Variants in ATP8B4 observed in about 807,000 individuals in gnomAD.
ATP8B4 encodes the protein ATPase phospholipid transporting 8B4 (putative), also known as probable phospholipid-transporting ATPase IM.
ATP8B4 carries 133 observed loss-of-function variants against 145.6 expected under a neutral mutation model. The observed-to-expected ratio is 0.91, with a 90% confidence interval of 0.79 to 1.05. The LOEUF is 1.05. Among genes scored for constraint, ATP8B4 ranks in the 50% least tolerant of loss-of-function variants. The pLI, the probability that ATP8B4 is intolerant of heterozygous loss-of-function variation, is 0.00. For synonymous variants in ATP8B4, 507 were observed against 492.9 expected (o/e 1.03, Z -0.38); for missense variants, 1,458 against 1,425.2 (o/e 1.02, Z -0.37).
chr15:50,040,056 T>C (rs955299451), intron 5 of ATP8B4, among the ~76,000 whole-genome samples: 1 of 152,200 alleles, frequency 6.6e-6, no homozygotes, highest in Non-Finnish European at 1.5e-5. Context: ...GTGCACAATT[T>C]GGAAGGGTTG....
At chr15:50,011,096 T>C (rs943408721) in intron 6 of ATP8B4, among the ~76,000 whole-genome samples, 179 bp from the exon 7 acceptor site, 1 of 152,152 alleles carries the variant, frequency 6.6e-6, no homozygotes, top group Admixed American at 6.6e-5. Context: ...GTTAAGTGAT[T>C]GGTCAAAGAT....
chr15:50,036,240 G>A (rs1599953061), intron 6 of ATP8B4, among the ~76,000 whole-genome samples: 2 of 152,266 alleles, frequency 1.3e-5, no homozygotes, highest in East Asian at 3.9e-4. Flanking sequence ...AAGAAGCCAA[G>A]CAAGAGCGTG....
intron 5 of ATP8B4, among the ~76,000 whole-genome samples, chr15:50,040,101 A>G (rs1267758840): frequency 6.6e-6 from 1 of 152,238 alleles, no homozygotes; most frequent in Non-Finnish European, 1.5e-5. Context: ...TCTACACAGC[A>G]TTCGTCTCCA....
At chr15:49,927,330 G>C (rs370433196) in intron 16 of ATP8B4, among the ~76,000 whole-genome samples, 11 of 152,182 alleles carry the variant, frequency 7.2e-5, no homozygotes, top group African/African-American at 2.6e-4. Flanking sequence ...GAGGGAGGAG[G>C]AGAAAGGGGA....
chr15:49,942,041 TGAGGAGGGTGG>T lies in ATP8B4; in HGVS notation c.1288-7870_1288-7860del, dbSNP rs573680109. On this transcript the variant is annotated intron_variant, in intron 14 of 27. Coordinates refer to ENST00000284509, the MANE Select transcript of ATP8B4 (RefSeq NM_024837.4). ...GTAACAGACATTGCAGATTCAGAAG[TGAGGAGGGTGG>T]GAAGAGGGTAAGCGATAAAAATCTA... Among the ~76,000 whole-genome samples the T allele has an allele frequency of 3.8e-3, 576 of 151,884 alleles. 1 individual carries two copies. Among genetic ancestry groups the T allele is most frequent in the Non-Finnish European group, 5.8e-3 (392 of 67,948 alleles).
At chr15:49,912,664 G>C (rs2039349402) in intron 20 of ATP8B4, among the ~76,000 whole-genome samples, 1 of 152,112 alleles carries the variant, frequency 6.6e-6, no homozygotes, top group South Asian at 2.1e-4. Context: ...TCCCTAACTT[G>C]TTCTACAAGG....
Position 49,897,294 on chromosome 15 carries a change from G to T in ATP8B4, c.2695C>A (p.Gln899Lys), listed in dbSNP as rs2037503607. Residue 899 changes from glutamine (Q) to lysine (K), a missense_variant and splice_region_variant, in exon 23 of 28, where the codon CAG becomes AAG. By Grantham distance (53) the Gln-to-Lys change is moderately conservative (BLOSUM62 1). Transcript: ENST00000284509. ...WFGFFCGFSA[Q>K]TVYDQWFITL... ...AAAAAAAACATGCTTTTACCAACCT[G>T]GGCTGAGAAACCACAGAAGAAACCA... 1 of 1,603,830 alleles carries T rather than the reference G, an allele frequency of 6.2e-7. No homozygotes were observed. Among genetic ancestry groups the T allele is most frequent in the Non-Finnish European group, 8.5e-7 (1 of 1,174,120 alleles).
In ATP8B4 at chr15:50,049,256, A is replaced by G. The variant is rs576997698; in HGVS notation, c.88-1792T>C. Among the ~76,000 whole-genome samples the G allele has an allele frequency of 2.6e-5, 4 of 152,302 alleles. No individual in the cohort carries two copies. In the South Asian group the frequency reaches 8.3e-4, roughly 32 times the overall value. ...GGGACATCCACTCTCCCTAGTAACA[A>G]GCATAGTATCCAATAGGTAGTTTTT... On this transcript the variant is annotated intron_variant, in intron 3 of 27. Coordinates refer to ENST00000284509, the MANE Select transcript of ATP8B4 (RefSeq NM_024837.4).
rs147088291 is a variant in ATP8B4, at chr15:49,914,432, C to T, written c.2141+2502G>A. On this transcript the variant is annotated intron_variant, in intron 20 of 27. Transcript: ENST00000284509. ...CACTGGTCTCTAGGCAATGATTTTA[C>T]GGCTAAGACCTCAAAAGCACAGGCA... 6.2e-3 allele frequency among the ~76,000 whole-genome samples: 948 copies of T among 152,132 alleles called. 5 individuals are homozygous for T. The highest frequency in any genetic ancestry group is 0.027 in the Middle Eastern group (8 of 294).
At chr15:49,907,356 C>A (rs557051418) in intron 20 of ATP8B4, among the ~76,000 whole-genome samples, 26 of 152,334 alleles carry the variant, frequency 1.7e-4, no homozygotes, top group Admixed American at 5.2e-4. Flanking sequence ...AGTGACAAAG[C>A]CTCCTACTAT....
chr15:50,150,099 C>T (rs11070755), intron 1 of ATP8B4, among the ~76,000 whole-genome samples: 94,354 of 150,346 alleles, frequency 0.63, 30,135 homozygotes, highest in East Asian at 0.92. Context: ...AGACTCCGTC[C>T]CAAAAAAAAA....
intron 25 of ATP8B4, among the ~76,000 whole-genome samples, chr15:49,868,729 T>C (rs1224180935): frequency 6.6e-6 from 1 of 152,174 alleles, no homozygotes; most frequent in East Asian, 1.9e-4. Context: ...ACTGTTTAAT[T>C]GAAGAAGCAT....
intron 1 of ATP8B4, among the ~76,000 whole-genome samples, chr15:50,142,967 G>A (rs1349523711): frequency 6.6e-6 from 1 of 152,196 alleles, no homozygotes; most frequent in African/African-American, 2.4e-5. Context: ...TAATGCATAG[G>A]AAGGAGTTAA....
chr15:50,173,739 C>G (rs1350190602), intron 1 of ATP8B4, among the ~76,000 whole-genome samples: 1 of 151,972 alleles, frequency 6.6e-6, no homozygotes, highest in Non-Finnish European at 1.5e-5. Context: ...TGGTAGCAAT[C>G]CTTTTAACAC....
chr15:50,124,221 C>A (rs181331580), upstream of ATP8B4, among the ~76,000 whole-genome samples: 4 of 152,058 alleles, frequency 2.6e-5, no homozygotes, highest in Non-Finnish European at 4.4e-5. Context: ...TGTATTGGGC[C>A]GAAGTTCACC....
chr15:50,173,023 C>T (rs891089627), intron 1 of ATP8B4, among the ~76,000 whole-genome samples: 1 of 124,780 alleles, frequency 8.0e-6, no homozygotes, highest in Non-Finnish European at 1.7e-5. Flanking sequence ...GGGCAGCCCC[C>T]ATCCGGGAGG....
chr15:50,171,358 T>G (rs2044672133), intron 1 of ATP8B4, among the ~76,000 whole-genome samples: 1 of 152,146 alleles, frequency 6.6e-6, no homozygotes, highest in South Asian at 2.1e-4. Flanking sequence ...TCAAGCACTC[T>G]CTCAGACCAC....
At chr15:49,883,793 T>TA (rs541759581) in intron 23 of ATP8B4, among the ~76,000 whole-genome samples, 3,407 of 151,328 alleles carry the variant, frequency 0.023, 99 homozygotes, top group African/African-American at 0.064. Flanking sequence ...TAAATTATAT[T>TA]AAAAAAAAAC....
intron 2 of ATP8B4, among the ~76,000 whole-genome samples, chr15:50,093,286 C>A (rs2055732161): frequency 6.6e-6 from 1 of 151,840 alleles, no homozygotes; most frequent in South Asian, 2.1e-4. Flanking sequence ...GGTAAATCTG[C>A]ACAAATAATT....
Sources: gnomAD v4.1 joint callset for allele counts (sites outside exome capture counted in the v4.1 genomes callset) on GRCh38, gnomAD v4.1.1 for gene constraint, MANE v1.5 for transcripts, NCBI Gene and HGNC (gene_info 2026-07-23, HGNC 2026-07-21) for gene names.